The following CMTM7 variants were observed in gnomAD, a reference collection of about 807,000 sequenced individuals.
The protein encoded by CMTM7 is CKLF-like MARVEL transmembrane domain-containing protein 7.
In CMTM7, 7 loss-of-function variants were observed where a neutral mutation model predicts 19.3. The ratio of observed to expected loss-of-function variants is 0.36; its 90% CI spans 0.21 to 0.68. CMTM7 has a LOEUF of 0.68. Ranked by LOEUF, CMTM7 falls within the 30% of genes least tolerant of loss-of-function variation. The pLI is 0.60. For synonymous variants in CMTM7, 87 were observed against 99.3 expected, an observed-to-expected ratio of 0.88 and a Z score of 0.74; for missense variants, 193 against 232.6, an observed-to-expected ratio of 0.83 and a Z score of 1.11.
intron 1 of CMTM7, among the ~76,000 whole-genome samples, chr3:32,404,967 A>G (rs910888151): frequency 6.6e-6 from 1 of 152,224 alleles, no homozygotes; most frequent in African/African-American, 2.4e-5. Context: ...CTGGCTCTGA[A>G]GAAGTGAACT....
At chr3:32,421,310 C>A in intron 1 of CMTM7, among the ~76,000 whole-genome samples, 1 of 152,202 alleles carries the variant, frequency 6.6e-6, no homozygotes, top group Non-Finnish European at 1.5e-5. Flanking sequence ...AGCCTGGAAT[C>A]TGATCCCCAC....
At chr3:32,425,367 T>C (rs922328200) in intron 1 of CMTM7, among the ~76,000 whole-genome samples, 2 of 152,176 alleles carry the variant, frequency 1.3e-5, no homozygotes, top group Non-Finnish European at 2.9e-5. Flanking sequence ...TATTTTGTTA[T>C]TGACCTCATC....
intron 1 of CMTM7, among the ~76,000 whole-genome samples, chr3:32,432,365 C>G (rs1312900449): frequency 6.6e-6 from 1 of 152,182 alleles, no homozygotes; most frequent in Non-Finnish European, 1.5e-5. Context: ...GCTTCCTTCA[C>G]CCCTGGGGGT....
At position 32,392,076 on chromosome 3, in the gene CMTM7, G is replaced by T; in HGVS notation, c.159+11G>T. Reference sequence around the variant, plus strand: ...AAAGTGGCGCAAATGGTAAGTGAGCGCGGGGCGCGAGGCCGAGGTTCTACA... The same window carrying T: ...AAAGTGGCGCAAATGGTAAGTGAGCTCGGGGCGCGAGGCCGAGGTTCTACA... On this transcript the variant is annotated intron_variant, in intron 1 of 4. Coordinates refer to ENST00000334983, the MANE Select transcript of CMTM7 (RefSeq NM_138410.4). 1 of 1,232,858 alleles carries T rather than the reference G, an allele frequency of 8.1e-7. No homozygotes were observed. The allele number at this position is 1,232,858 out of a possible 1,614,324, so 76.4% of individuals were successfully genotyped here. A position where few individuals can be genotyped will look rare whatever the true frequency, so the allele number is the denominator to read the frequency against.
intron 1 of CMTM7, among the ~76,000 whole-genome samples, chr3:32,401,127 TGACA>T (rs1695995849): frequency 6.6e-6 from 1 of 152,338 alleles, no homozygotes; most frequent in African/African-American, 2.4e-5. Flanking sequence ...AAAGGAACAG[TGACA>T]GACAGACTAG....
chr3:32,418,235 C>A (rs1312649143), intron 1 of CMTM7, among the ~76,000 whole-genome samples: 1 of 152,116 alleles, frequency 6.6e-6, no homozygotes, highest in Admixed American at 6.5e-5. Flanking sequence ...ACATTTTTTG[C>A]CCATTTTTAA....
intron 1 of CMTM7, among the ~76,000 whole-genome samples, chr3:32,404,724 G>A (rs999327974): frequency 1.3e-5 from 2 of 152,214 alleles, no homozygotes; most frequent in Non-Finnish European, 2.9e-5. Context: ...GTCACATCCT[G>A]TGTAATTCCA....
At chr3:32,450,755 T>C (rs982927364) in intron 3 of CMTM7, among the ~76,000 whole-genome samples, 1 of 152,208 alleles carries the variant, frequency 6.6e-6, no homozygotes, top group Non-Finnish European at 1.5e-5. Context: ...CTGTGCCCAC[T>C]GTGTTTCCGG....
chr3:32,416,198 G>GTGTTTTGTTT (rs58238013), intron 1 of CMTM7, among the ~76,000 whole-genome samples: 2 of 130,854 alleles, frequency 1.5e-5, no homozygotes, highest in Admixed American at 7.8e-5. Flanking sequence ...GTACTTTTTT[G>GTGTTTTGTTT]TGTTTTGTTT....
intron 1 of CMTM7, among the ~76,000 whole-genome samples, chr3:32,431,498 T>C (rs1348596591): frequency 6.6e-6 from 1 of 151,992 alleles, no homozygotes; most frequent in Non-Finnish European, 1.5e-5. Context: ...TGCTGGCCAG[T>C]GTGAGGGAAT....
intron 1 of CMTM7, among the ~76,000 whole-genome samples, chr3:32,432,841 A>T (rs1490911220): frequency 6.6e-6 from 1 of 152,074 alleles, no homozygotes; most frequent in Admixed American, 6.6e-5. Flanking sequence ...TTGGGGTTCA[A>T]CCCTCAATGC....
intron 1 of CMTM7, among the ~76,000 whole-genome samples, chr3:32,411,424 T>C (rs1575112116): frequency 6.6e-6 from 1 of 152,226 alleles, no homozygotes; most frequent in Admixed American, 6.5e-5. Context: ...GTCAGAGCCT[T>C]CCTCTTCTAA....
intron 1 of CMTM7, among the ~76,000 whole-genome samples, chr3:32,416,369 T>C (rs1369154759): frequency 0.03 from 2,103 of 70,018 alleles, 247 homozygotes; most frequent in Non-Finnish European, 0.041. Context: ...TAATTTTTTT[T>C]TTTTTTTTTT....
Position 32,438,606 on chromosome 3 carries a change from T to C in CMTM7, c.160-3234T>C, listed in dbSNP as rs183436722. On this transcript the variant is annotated intron_variant, in intron 1 of 4. Transcript: ENST00000334983. ...GCATAAGCACACACCATACTCTGGC[T>C]AAATTAGATTTTCTAAAATTGGGCT... 2.1e-3 allele frequency among the ~76,000 whole-genome samples: 324 copies of C among 152,348 alleles called. 2 individuals carry two copies. The highest frequency in any genetic ancestry group is 7.5e-3 in the African/African-American group (314 of 41,590).
At chr3:32,415,563 A>G (rs1345934106) in intron 1 of CMTM7, among the ~76,000 whole-genome samples, 1 of 152,262 alleles carries the variant, frequency 6.6e-6, no homozygotes. Flanking sequence ...TCTTGGGTAC[A>G]TCACCTGCCT....
Position 32,404,759 on chromosome 3 carries a change from C to G in CMTM7, c.159+12694C>G, listed in dbSNP as rs72857146. Among the ~76,000 whole-genome samples, 402 of 152,328 alleles carry G rather than the reference C, an allele frequency of 2.6e-3. 1 individual carries two copies. Among genetic ancestry groups the G allele is most frequent in the African/African-American group, 9.1e-3 (379 of 41,578 alleles). On this transcript the variant is annotated intron_variant, in intron 1 of 4. Coordinates refer to ENST00000334983, the MANE Select transcript of CMTM7 (RefSeq NM_138410.4). ...ATCCTCTTGAGTGTGAGTGGAATCT[C>G]TGACTTGCTTCTAACCAATGGAATA...
chr3:32,408,992 C>T (rs1249564981), intron 1 of CMTM7, among the ~76,000 whole-genome samples: 3 of 151,960 alleles, frequency 2.0e-5, no homozygotes, highest in Admixed American at 2.0e-4. Flanking sequence ...AAGCGGTTCT[C>T]TTGCCTCACC....
intron 1 of CMTM7, among the ~76,000 whole-genome samples, chr3:32,436,765 G>A (rs1323195890): frequency 6.6e-6 from 1 of 152,088 alleles, no homozygotes; most frequent in Non-Finnish European, 1.5e-5. Flanking sequence ...ACCAGACTTG[G>A]CAGAGGCACG....
At chr3:32,452,170 C>A in intron 3 of CMTM7, 1 of 1,506,386 alleles carries the variant, frequency 6.6e-7, no homozygotes, top group Non-Finnish European at 8.9e-7. Context: ...GGCTGCCAGC[C>A]CTGACCTGGC....
Sources: allele counts gnomAD v4.1 joint callset (sites outside exome capture counted in the v4.1 genomes callset), GRCh38; gene constraint gnomAD v4.1.1; transcripts MANE v1.5; gene names NCBI Gene and HGNC (gene_info 2026-07-23, HGNC 2026-07-21).